PCLO: variants seen among roughly 807,000 people sequenced by gnomAD.
PCLO encodes the protein protein piccolo.
PCLO carries 82 observed loss-of-function variants against 427.5 expected under a neutral mutation model. The observed-to-expected ratio is 0.19, with a 90% CI of 0.16 to 0.23. The LOEUF is 0.23. Ranked by LOEUF, PCLO falls within the 10% of genes least tolerant of loss-of-function variation. The pLI is 1.00. For synonymous variants in PCLO, 2,357 were observed against 2,155.4 expected, an observed-to-expected ratio of 1.09 and a Z score of -2.59; for missense variants, 6,239 against 6,115.9, an observed-to-expected ratio of 1.02 and a Z score of -0.67.
At chr7:82,788,092 C>T (rs1791020198) in intron 22 of PCLO, among the ~76,000 whole-genome samples, 1 of 151,438 alleles carries the variant, frequency 6.6e-6, no homozygotes, top group Admixed American at 6.6e-5. Context: ...GACTCAGGCA[C>T]TTCAGCACTA....
intron 17 of PCLO, 25 bp downstream of exon 17, chr7:82,827,848 T>C (rs1562804648): frequency 4.0e-6 from 5 of 1,243,410 alleles, no homozygotes; most frequent in Non-Finnish European, 5.9e-6. Flanking sequence ...CCTAATTCTG[T>C]CACCTAGAAA....
chr7:82,826,555 G>A (rs1281777558), intron 18 of PCLO, 34 bp downstream of exon 18: 1 of 1,379,338 alleles, frequency 7.2e-7, no homozygotes, highest in East Asian at 2.3e-5. Flanking sequence ...GTTTACCATA[G>A]CAGCAAATAA....
chr7:83,000,611 C>T (rs1787799097), intron 3 of PCLO, among the ~76,000 whole-genome samples: 1 of 151,934 alleles, frequency 6.6e-6, no homozygotes. Flanking sequence ...GGATCCCTGG[C>T]ATGCACAGTT....
rs1347651769 is a variant in PCLO, at chr7:83,155,625, G to A, written c.1016C>T (p.Thr339Ile). The change falls in exon 2 of 25, where the codon ACA becomes ATA. Residue 339 changes from threonine (T) to isoleucine (I), a missense_variant. Physicochemically the swap from Thr to Ile is moderately conservative, Grantham distance 89 (BLOSUM62 -1). Coordinates refer to ENST00000333891, the MANE Select transcript of PCLO (RefSeq NM_033026.6). ...AKPPAQPSGLTKPLAQQPGTV... is the reference protein window; with the variant it reads ...AKPPAQPSGLIKPLAQQPGTV... ...CCCTGGTTGTTGAGCCAATGGCTTT[G>A]TTAGCCCTGAGGGCTGAGCTGGGGG... The A allele has an allele frequency of 6.2e-7, 1 of 1,611,050 alleles. No individual in the cohort carries two copies. The highest frequency in any genetic ancestry group is 8.5e-7 in the Non-Finnish European group (1 of 1,179,158).
At chr7:82,766,716 C>G (rs998175160) in intron 22 of PCLO, among the ~76,000 whole-genome samples, 1 of 152,010 alleles carries the variant, frequency 6.6e-6, no homozygotes, top group Non-Finnish European at 1.5e-5. Flanking sequence ...CTCAACACAC[C>G]GCATATGTGA....
At position 82,952,182 on chromosome 7, in the gene PCLO, A is replaced by G. The variant is rs2116431886; in HGVS notation, c.8771T>C (p.Ile2924Thr). ...ESTSSVMTKI[I>T]EDEKPVDLTA... ...TAAATCAACGGGTTTTTCATCTTCT[A>G]TTATTTTGGTCATCACACTTGAAGT... The change falls in exon 5 of 25, where the codon ATA (isoleucine) becomes ACA (threonine). Residue 2924 changes from isoleucine to threonine, a missense_variant. Ile to Thr is a moderately conservative substitution (Grantham distance 89, BLOSUM62 -1). Coordinates refer to ENST00000333891, the MANE Select transcript of PCLO (RefSeq NM_033026.6). 6.3e-7 allele frequency: 1 copy of G among 1,580,976 alleles called. No homozygotes were observed. The highest frequency in any genetic ancestry group is 8.6e-7 in the Non-Finnish European group (1 of 1,160,806).
rs185465817 is a variant in PCLO, at chr7:83,036,089, T to C, written c.3301-69602A>G. ...GGGACTCAGGTTCTGTCCTGATCCC[T>C]TTCCTTCTAAGATTTGTTAACTGTT... On this transcript the variant is annotated intron_variant, in intron 3 of 24. Coordinates refer to ENST00000333891, the MANE Select transcript of PCLO (RefSeq NM_033026.6). 1.6e-4 allele frequency among the ~76,000 whole-genome samples: 25 copies of C among 152,300 alleles called. 1 individual carries two copies. The highest frequency in any genetic ancestry group is 5.8e-4 in the African/African-American group (24 of 41,584).
intron 6 of PCLO, among the ~76,000 whole-genome samples, chr7:82,921,517 G>T (rs184327693): frequency 6.6e-6 from 1 of 152,094 alleles, no homozygotes; most frequent in Admixed American, 6.6e-5. Flanking sequence ...TTCAACAAAT[G>T]GTGCTAGGAA....
At chr7:82,960,625 A>G (rs1325437268) in intron 4 of PCLO, among the ~76,000 whole-genome samples, 1 of 152,222 alleles carries the variant, frequency 6.6e-6, no homozygotes, top group African/African-American at 2.4e-5. Flanking sequence ...CTAAAAATTT[A>G]AAAATGTGTA....
At chr7:83,063,893 G>T (rs1417929307) in intron 3 of PCLO, among the ~76,000 whole-genome samples, 1 of 151,958 alleles carries the variant, frequency 6.6e-6, no homozygotes, top group African/African-American at 2.4e-5. Context: ...CCTCAATTTT[G>T]CACTGATAAA....
rs537397023 is a variant in PCLO at position 82,879,882 on chromosome 7, C to T, written c.13529-420G>A. ...AGAAGACACAATCCAATCATACATA[C>T]AATTGTAATTTATAAAGTGAAAACA... On this transcript the variant is annotated intron_variant, in intron 9 of 24. Coordinates refer to ENST00000333891, the MANE Select transcript of PCLO (RefSeq NM_033026.6). 5.6e-4 allele frequency: 246 copies of T among 440,752 alleles called. 3 individuals are homozygous for T. The highest frequency in any genetic ancestry group is 3.8e-3 in the South Asian group (233 of 60,718). 27.3% of individuals were successfully genotyped at this position (440,752 alleles called of 1,614,324 possible).
At chr7:83,142,492 T>C (rs191012126) in intron 2 of PCLO, among the ~76,000 whole-genome samples, 145 of 152,314 alleles carry the variant, frequency 9.5e-4, no homozygotes, top group Non-Finnish European at 1.6e-3. Flanking sequence ...ACAATCCACA[T>C]TGAATTTCCT....
chr7:82,885,122 T>C (rs1480917036), intron 9 of PCLO, among the ~76,000 whole-genome samples: 1 of 152,172 alleles, frequency 6.6e-6, no homozygotes, highest in African/African-American at 2.4e-5. Context: ...CAATAAGATC[T>C]GGCAAAGGTG....
chr7:82,849,902 C>A (rs1027855491), intron 10 of PCLO, among the ~76,000 whole-genome samples: 2 of 151,982 alleles, frequency 1.3e-5, no homozygotes, highest in South Asian at 2.1e-4. Context: ...TATAAGTAAA[C>A]ATTTATATTT....
intron 18 of PCLO, among the ~76,000 whole-genome samples, chr7:82,824,619 T>C (rs989493801): frequency 6.7e-6 from 1 of 149,392 alleles, no homozygotes; most frequent in Non-Finnish European, 1.5e-5. Context: ...GCTTAATAAA[T>C]GTTTGCTTGA....
At chr7:82,787,741 A>G (rs1483277375) in intron 22 of PCLO, among the ~76,000 whole-genome samples, 1 of 152,130 alleles carries the variant, frequency 6.6e-6, no homozygotes, top group Non-Finnish European at 1.5e-5. Context: ...TTTTACTCAG[A>G]TAAACTCACG....
intron 3 of PCLO, among the ~76,000 whole-genome samples, chr7:83,061,483 G>A (rs1789542441): frequency 6.6e-6 from 1 of 152,076 alleles, no homozygotes; most frequent in Admixed American, 6.5e-5. Flanking sequence ...AAAATCAAAA[G>A]AGTGACAACA....
In PCLO at chr7:82,999,668, T is replaced by G. The variant is rs1381553071; in HGVS notation, c.3301-33181A>C. ...AAAATATAATATTATATATAAAATA[T>G]AAAATATATTATATATAAAATAATA... On this transcript the variant is annotated intron_variant, in intron 3 of 24. Coordinates refer to ENST00000333891, the MANE Select transcript of PCLO (RefSeq NM_033026.6). 1.3e-4 allele frequency among the ~76,000 whole-genome samples: 7 copies of G among 52,268 alleles called. 1 individual carries two copies. Among genetic ancestry groups the G allele is most frequent in the Non-Finnish European group, 1.9e-4 (7 of 36,636 alleles). 34.3% of individuals were successfully genotyped at this position (52,268 alleles called of 152,430 possible). A position where few individuals can be genotyped will look rare whatever the true frequency, so the allele number is the denominator to read the frequency against.
At chr7:83,020,312 C>A (rs1228029083) in intron 3 of PCLO, among the ~76,000 whole-genome samples, 1 of 152,038 alleles carries the variant, frequency 6.6e-6, no homozygotes, top group Non-Finnish European at 1.5e-5. Flanking sequence ...CTTGATGAAG[C>A]TTAACTAATG....
Sources: allele counts gnomAD v4.1 joint callset (sites outside exome capture counted in the v4.1 genomes callset), GRCh38; gene constraint gnomAD v4.1.1; transcripts MANE v1.5; gene names NCBI Gene and HGNC (gene_info 2026-07-23, HGNC 2026-07-21).